The following DNER variants were observed in gnomAD, a reference collection of about 807,000 sequenced individuals.
The protein encoded by DNER is delta/notch like EGF repeat containing.
A neutral mutation model predicts 78.2 loss-of-function variants in DNER; 33 were observed. The ratio of observed to expected loss-of-function variants is 0.42; its 90% confidence interval spans 0.32 to 0.56. The LOEUF is 0.56. Ranked by LOEUF, DNER falls within the 20% of genes least tolerant of loss-of-function variation. The pLI is 0.11. For missense variants in DNER, 918 were observed against 975.3 expected, an observed-to-expected ratio of 0.94 and a Z score of 0.78; for synonymous variants, 417 against 384.8, an observed-to-expected ratio of 1.08 and a Z score of -0.98.
At chr2:229,361,013 A>G (rs534807974) in intron 12 of DNER, among the ~76,000 whole-genome samples, 1 of 152,204 alleles carries the variant, frequency 6.6e-6, no homozygotes, top group African/African-American at 2.4e-5. Context: ...CAAATTCCTT[A>G]GGAGAATTTT....
intron 6 of DNER, among the ~76,000 whole-genome samples, chr2:229,488,522 G>A (rs535848878): frequency 1.5e-4 from 23 of 152,194 alleles, no homozygotes; most frequent in Non-Finnish European, 2.2e-4. Context: ...TCTTTTACAA[G>A]GTCAAGATCA....
intron 8 of DNER, among the ~76,000 whole-genome samples, chr2:229,446,274 T>C (rs149291529): frequency 1.2e-3 from 189 of 152,288 alleles, no homozygotes; most frequent in African/African-American, 4.3e-3. Context: ...AAGCTATTAA[T>C]AAAACACAGT....
intron 7 of DNER, among the ~76,000 whole-genome samples, chr2:229,470,600 C>T (rs936939626): frequency 1.3e-5 from 2 of 152,058 alleles, no homozygotes; most frequent in Non-Finnish European, 2.9e-5. Flanking sequence ...CTGTAATCCC[C>T]GTACTTTGGG....
chr2:229,559,881 A>G (rs751259859), intron 4 of DNER, among the ~76,000 whole-genome samples: 2 of 152,042 alleles, frequency 1.3e-5, no homozygotes, highest in Non-Finnish European at 2.9e-5. Context: ...TATCACACAA[A>G]CAAATGCACT....
chr2:229,420,150 A>T (rs182538160), intron 8 of DNER, among the ~76,000 whole-genome samples: 1 of 152,066 alleles, frequency 6.6e-6, no homozygotes, highest in East Asian at 1.9e-4. Context: ...ATGCATTTAC[A>T]TATTGTCTAT....
At chr2:229,359,151 AGGT>A (rs1692157119) in intron 12 of DNER, among the ~76,000 whole-genome samples, 1 of 152,202 alleles carries the variant, frequency 6.6e-6, no homozygotes, top group Non-Finnish European at 1.5e-5. Flanking sequence ...AAAAGGGCAG[AGGT>A]GGGAAATGAC....
chr2:229,515,805 T>C (rs1695959007), intron 5 of DNER, among the ~76,000 whole-genome samples: 1 of 152,034 alleles, frequency 6.6e-6, no homozygotes, highest in African/African-American at 2.4e-5. Context: ...CATGGCTGGC[T>C]AATTTTTTAT....
chr2:229,664,676 A>C (rs920856655), intron 1 of DNER, among the ~76,000 whole-genome samples: 2 of 152,194 alleles, frequency 1.3e-5, no homozygotes, highest in Non-Finnish European at 2.9e-5. Flanking sequence ...AAGCTTCATA[A>C]TTAGACCTTA....
At chr2:229,573,548 A>G (rs1697250541) in intron 4 of DNER, among the ~76,000 whole-genome samples, 1 of 152,158 alleles carries the variant, frequency 6.6e-6, no homozygotes, top group South Asian at 2.1e-4. Context: ...AAACATTTGC[A>G]TTTTCTGAAA....
chr2:229,588,873 C>G (rs1348807982), intron 2 of DNER, among the ~76,000 whole-genome samples: 1 of 152,180 alleles, frequency 6.6e-6, no homozygotes, highest in African/African-American at 2.4e-5. Context: ...AACTTACAAA[C>G]AGCAGGTAAA....
chr2:229,417,677 AACTT>A lies in DNER; in HGVS notation c.1609+427_1609+430del, dbSNP rs573073673. The stretch of plus-strand genomic sequence containing the variant: ...ATGTCGCCTGTTTTTAATAAGCATT[AACTT>A]ACTTGCTGATACATGGGACTCCGCC... On this transcript the variant is annotated intron_variant, in intron 9 of 12. Coordinates refer to ENST00000341772, the MANE Select transcript of DNER (RefSeq NM_139072.4). Among the ~76,000 whole-genome samples the A allele has an allele frequency of 2.5e-4, 38 of 152,190 alleles. No individual in the cohort carries two copies. The East Asian group carries it at 6.4e-3, about 26-fold the overall frequency.
At chr2:229,545,008 G>A (rs778156053) in intron 5 of DNER, among the ~76,000 whole-genome samples, 1 of 152,118 alleles carries the variant, frequency 6.6e-6, no homozygotes, top group African/African-American at 2.4e-5. Context: ...TCACAAGAAG[G>A]CATCACCAAA....
chr2:229,564,423 C>T (rs915348386), intron 4 of DNER, among the ~76,000 whole-genome samples: 2 of 140,436 alleles, frequency 1.4e-5, no homozygotes, highest in African/African-American at 2.6e-5. Context: ...CACACCATCA[C>T]CATCATCATC....
At chr2:229,544,504 T>C (rs780681286) in intron 5 of DNER, among the ~76,000 whole-genome samples, 4 of 151,274 alleles carry the variant, frequency 2.6e-5, no homozygotes, top group African/African-American at 9.7e-5. Flanking sequence ...TATCTATTTA[T>C]TAATTTTTAT....
At chr2:229,437,705 A>C (rs1190209273) in intron 8 of DNER, among the ~76,000 whole-genome samples, 1 of 152,202 alleles carries the variant, frequency 6.6e-6, no homozygotes, top group Non-Finnish European at 1.5e-5. Flanking sequence ...GTGCTACTGA[A>C]GGAACATGTC....
At chr2:229,418,372 G>C in intron 8 of DNER, 142 bp from the exon 9 acceptor site, 7 of 1,187,658 alleles carry the variant, frequency 5.9e-6, no homozygotes, top group Non-Finnish European at 8.1e-6. Context: ...AGATCTCTTG[G>C]GGTAAAGTTG....
intron 8 of DNER, among the ~76,000 whole-genome samples, chr2:229,440,226 G>T (rs117076967): frequency 6.6e-6 from 1 of 152,146 alleles, no homozygotes; most frequent in Admixed American, 6.5e-5. Flanking sequence ...CAAATATCAC[G>T]AATTCTACCT....
intron 1 of DNER, among the ~76,000 whole-genome samples, chr2:229,694,355 G>T (rs1171418589): frequency 1.3e-5 from 2 of 152,226 alleles, no homozygotes; most frequent in African/African-American, 4.8e-5. Flanking sequence ...CTGGGGAGCT[G>T]CCTAGTGGAG....
At chr2:229,363,214 C>T (rs1484786513) in intron 12 of DNER, among the ~76,000 whole-genome samples, 1 of 152,164 alleles carries the variant, frequency 6.6e-6, no homozygotes, top group African/African-American at 2.4e-5. Context: ...CTAGGAGTTA[C>T]AACCAACAGA....
Sources: gnomAD v4.1 joint callset for allele counts (sites outside exome capture counted in the v4.1 genomes callset) on GRCh38, gnomAD v4.1.1 for gene constraint, MANE v1.5 for transcripts, NCBI Gene and HGNC (gene_info 2026-07-23, HGNC 2026-07-21) for gene names.